CORIN: variants seen among roughly 807,000 people sequenced by gnomAD.
CORIN encodes atrial natriuretic peptide-converting enzyme.
CORIN carries 117 observed loss-of-function variants against 125.3 expected under a neutral mutation model. The ratio of observed to expected loss-of-function variants is 0.93; its 90% CI spans 0.80 to 1.09. The LOEUF (loss-of-function observed/expected upper bound fraction) is 1.09. CORIN is among the 50% of genes least tolerant of loss of function. CORIN has a pLI of 0.00. For synonymous variants in CORIN, 450 were observed against 466.4 expected, an observed-to-expected ratio of 0.96 and a Z score of 0.45; for missense variants, 1,253 against 1,306.7, an observed-to-expected ratio of 0.96 and a Z score of 0.63.
intron 5 of CORIN, among the ~76,000 whole-genome samples, chr4:47,721,620 C>A (rs1224561314): frequency 6.6e-6 from 1 of 152,168 alleles, no homozygotes; most frequent in Non-Finnish European, 1.5e-5. Context: ...CTTCTAATAC[C>A]ATCCTCTTGG....
In CORIN at chr4:47,603,647, C is replaced by G; in HGVS notation, c.2562G>C (p.Trp854Cys). ...CFEGRENAAV[W>C]KVVLGINNLD... is the part of the protein sequence containing the mutation. ...GATTGTTGATGCCAAGCACCACTTT[C>G]CAAACTGCAGCATTCTCTCTCCTAA... Residue 854 changes from tryptophan (W) to cysteine (C), a missense_variant, in exon 20 of 22, where the codon TGG becomes TGC. Transcript: ENST00000273857. 1 of 1,613,860 alleles carries G rather than the reference C, an allele frequency of 6.2e-7. No homozygotes were observed.
chr4:47,749,490 T>C (rs1728808285), intron 4 of CORIN, among the ~76,000 whole-genome samples: 1 of 152,200 alleles, frequency 6.6e-6, no homozygotes, highest in African/African-American at 2.4e-5. Context: ...GCTTGGAAGT[T>C]GATCCTTCCC....
intron 5 of CORIN, among the ~76,000 whole-genome samples, chr4:47,715,887 G>T (rs750087096): frequency 6.6e-6 from 1 of 152,190 alleles, no homozygotes; most frequent in African/African-American, 2.4e-5. Context: ...ATTGGAACGG[G>T]TTGGCAAAGG....
intron 10 of CORIN, among the ~76,000 whole-genome samples, chr4:47,667,045 G>C (rs1724513026): frequency 6.6e-6 from 1 of 152,200 alleles, no homozygotes; most frequent in African/African-American, 2.4e-5. Flanking sequence ...GAGCCAGTGG[G>C]AGATCACTGA....
Position 47,817,035 on chromosome 4 carries a change from C to T in CORIN, c.64-9988G>A, listed in dbSNP as rs558707201. On this transcript the variant is annotated intron_variant, in intron 1 of 21. Transcript: ENST00000273857. The stretch of plus-strand genomic sequence containing the variant: ...CAAGGCACAGCCCTAAGTAAGCAAA[C>T]TGTTACCCTTCCTATAGGCATTAAT... Among the ~76,000 whole-genome samples the T allele has an allele frequency of 4.6e-5, 7 of 152,280 alleles. No individual in the cohort carries two copies. In the East Asian group the frequency reaches 1.2e-3, roughly 25 times the overall value.
intron 10 of CORIN, 140 bp downstream of exon 10, chr4:47,674,253 C>A (rs1029034648): frequency 2.2e-5 from 14 of 636,254 alleles, no homozygotes; most frequent in Middle Eastern, 3.1e-4. Flanking sequence ...CTACCACATG[C>A]GACCTTTTAA....
chr4:47,676,512 T>C (rs1725024253), intron 9 of CORIN, among the ~76,000 whole-genome samples: 1 of 152,152 alleles, frequency 6.6e-6, no homozygotes, highest in Non-Finnish European at 1.5e-5. Flanking sequence ...CCTCTGTTGC[T>C]GCATGGTTAA....
In CORIN at chr4:47,690,112, T is replaced by C. The variant is rs368363928; in HGVS notation, c.913+2858A>G. On this transcript the variant is annotated intron_variant, in intron 6 of 21. Transcript: ENST00000273857. ...GTCAGAAAGTCACAGATACCTGGAG[T>C]GCTCTTTAATAAACAATTACCTCTG... Among the ~76,000 whole-genome samples the C allele has an allele frequency of 7.6e-4, 115 of 152,182 alleles. No individual in the cohort carries two copies. The South Asian group carries it at 0.024, about 31-fold the overall frequency.
chr4:47,660,080 C>T (rs1404768182), intron 12 of CORIN, among the ~76,000 whole-genome samples: 1 of 152,172 alleles, frequency 6.6e-6, no homozygotes, highest in Non-Finnish European at 1.5e-5. Context: ...AGAACACACA[C>T]TGGGGAAAGG....
chr4:47,732,825 A>C lies in CORIN; in HGVS notation c.799+11577T>G, dbSNP rs569000244. Among the ~76,000 whole-genome samples, 4 of 152,180 alleles carry C rather than the reference A, an allele frequency of 2.6e-5. No individual in the cohort carries two copies. In the South Asian group the frequency reaches 8.3e-4, roughly 32 times the overall value. On this transcript the variant is annotated intron_variant, in intron 5 of 21. Transcript: ENST00000273857. ...TGATCCACCATCCTTGGCCTCCCAA[A>C]GTGCTGGGATTACAGGTGTGAGCCA... is the stretch of plus-strand genomic sequence containing the variant.
At chr4:47,789,712 T>C (rs975098033) in intron 2 of CORIN, among the ~76,000 whole-genome samples, 1 of 152,036 alleles carries the variant, frequency 6.6e-6, no homozygotes, top group African/African-American at 2.4e-5. Flanking sequence ...TCAACCTGTA[T>C]CATGATGAGC....
chr4:47,735,412 T>TA (rs1398370730), intron 5 of CORIN, among the ~76,000 whole-genome samples: 3 of 152,170 alleles, frequency 2.0e-5, no homozygotes, highest in Non-Finnish European at 4.4e-5. Flanking sequence ...CCAAGAATTC[T>TA]AAAAAAGATT....
intron 3 of CORIN, among the ~76,000 whole-genome samples, chr4:47,770,625 A>C (rs980426102): frequency 5.1e-4 from 77 of 152,206 alleles, no homozygotes; most frequent in African/African-American, 1.8e-3. Flanking sequence ...GACTCAATAA[A>C]AATGTCCATC....
At chr4:47,746,461 C>G (rs1464567414) in intron 4 of CORIN, among the ~76,000 whole-genome samples, 1 of 152,118 alleles carries the variant, frequency 6.6e-6, no homozygotes, top group African/African-American at 2.4e-5. Context: ...GCAGATTGAC[C>G]CAGGACCTAT....
chr4:47,750,783 C>G lies in CORIN; in HGVS notation c.618-6200G>C, dbSNP rs560600569. Among the ~76,000 whole-genome samples the G allele has an allele frequency of 9.2e-5, 14 of 152,280 alleles. 1 individual carries two copies. The highest frequency in any genetic ancestry group is 2.9e-4 in the African/African-American group (12 of 41,552). ...ATGCTGGTGGCTTCCATTGGCTGAACCCAACAGGAAGCTAGAAAGTAGCCA... is the reference window on the plus strand; with the variant it reads ...ATGCTGGTGGCTTCCATTGGCTGAAGCCAACAGGAAGCTAGAAAGTAGCCA... On this transcript the variant is annotated intron_variant, in intron 4 of 21. Coordinates refer to ENST00000273857, the MANE Select transcript of CORIN (RefSeq NM_006587.4).
At chr4:47,607,276 C>T (rs988869188) in intron 19 of CORIN, among the ~76,000 whole-genome samples, 8 of 151,928 alleles carry the variant, frequency 5.3e-5, no homozygotes, top group Admixed American at 1.3e-4. Context: ...GGCATGGTGG[C>T]GGGTGCCTGT....
chr4:47,802,970 C>A (rs1322705671), intron 2 of CORIN, among the ~76,000 whole-genome samples: 3 of 152,118 alleles, frequency 2.0e-5, no homozygotes, highest in African/African-American at 7.2e-5. Context: ...AGAGTCTCGG[C>A]CTGGCAATTC....
chr4:47,779,812 G>A (rs1292997383), intron 3 of CORIN, among the ~76,000 whole-genome samples: 1 of 152,128 alleles, frequency 6.6e-6, no homozygotes, highest in Non-Finnish European at 1.5e-5. Flanking sequence ...TAAGAAGAAA[G>A]AACAACCTAA....
chr4:47,661,829 G>A lies in CORIN; in HGVS notation c.1617C>T (p.Arg539=). 2 of 1,612,616 alleles carry A rather than the reference G, an allele frequency of 1.2e-6. No individual in the cohort carries two copies. Among genetic ancestry groups the A allele is most frequent in the East Asian group, 2.2e-5 (1 of 44,800 alleles). The change falls in exon 12 of 22, where the codon CGC becomes CGT. Residue 539 remains arginine, a synonymous_variant. Transcript: ENST00000273857. ...CRALCEHSKE[R]CESVLGIVGL... ...CCACAATCCCAAGAACAGACTCACAGCGTTCTTTAGAGTGTTCACACAATG... is the reference window on the plus strand; with the variant it reads ...CCACAATCCCAAGAACAGACTCACAACGTTCTTTAGAGTGTTCACACAATG...
Sources: allele counts gnomAD v4.1 joint callset (sites outside exome capture counted in the v4.1 genomes callset), GRCh38; gene constraint gnomAD v4.1.1; transcripts MANE v1.5; gene names NCBI Gene and HGNC (gene_info 2026-07-23, HGNC 2026-07-21).